Variants in TBC1D1 observed in about 807,000 individuals in gnomAD.
TBC1D1 encodes TBC1 (tre-2/USP6, BUB2, cdc16) domain family, member 1.
A neutral mutation model predicts 125.6 loss-of-function variants in TBC1D1; 89 were observed. The ratio of observed to expected loss-of-function variants is 0.71; its 90% CI spans 0.60 to 0.85. The LOEUF is 0.85. Among genes scored for constraint, TBC1D1 ranks in the 40% least tolerant of loss-of-function variants. The pLI, the probability that TBC1D1 is intolerant of heterozygous loss-of-function variation, is 0.00. For missense variants in TBC1D1, 1,377 were observed against 1,469.2 expected (o/e 0.94, Z 1.03); for synonymous variants, 565 against 564.1 (o/e 1.00, Z -0.02).
At chr4:37,931,662 G>A (rs571529692) in intron 2 of TBC1D1, among the ~76,000 whole-genome samples, 14 of 152,138 alleles carry the variant, frequency 9.2e-5, no homozygotes, top group Non-Finnish European at 1.6e-4. Flanking sequence ...ATTTTTAGTA[G>A]AGACGGGGTT....
chr4:37,995,581 G>A lies in TBC1D1; in HGVS notation c.418-18928G>A, dbSNP rs575897840. 37 of 447,522 alleles carry A rather than the reference G, an allele frequency of 8.3e-5. No homozygotes were observed. The East Asian group carries it at 2.0e-3, about 24-fold the overall frequency. The allele number at this position is 447,522 out of a possible 1,614,324, so 27.7% of individuals were successfully genotyped here. On this transcript the variant is annotated intron_variant, in intron 2 of 19. Coordinates refer to ENST00000261439, the MANE Select transcript of TBC1D1 (RefSeq NM_015173.4). This position sits in a 1 kb window ranked among gnomAD's most constrained non-coding sequence, Gnocchi z 4.3. ...GATATGATAAAGCTCAGCACAGAAG[G>A]CCTTCAGGTCCAGTACCCTGGCCTT...
chr4:38,077,920 G>A (rs1755878817), intron 12 of TBC1D1, among the ~76,000 whole-genome samples: 1 of 152,152 alleles, frequency 6.6e-6, no homozygotes, highest in African/African-American at 2.4e-5. Context: ...TTCCTGCGAT[G>A]GGGTAGGTCA....
chr4:38,037,275 T>C (rs79228835), intron 8 of TBC1D1, among the ~76,000 whole-genome samples: 2,553 of 151,890 alleles, frequency 0.017, 32 homozygotes, highest in Non-Finnish European at 0.027. Context: ...ATGTGTTTAA[T>C]GTTTTTTTTT....
At chr4:38,106,626 G>A (rs138497412) in intron 15 of TBC1D1, among the ~76,000 whole-genome samples, 84 of 152,270 alleles carry the variant, frequency 5.5e-4, no homozygotes, top group African/African-American at 2.0e-3. Flanking sequence ...TCCAAGGCTG[G>A]GAGGAGGAAC....
intron 2 of TBC1D1, among the ~76,000 whole-genome samples, chr4:37,917,732 G>A (rs1042202264): frequency 4.6e-5 from 7 of 152,108 alleles, no homozygotes; most frequent in African/African-American, 1.4e-4. Context: ...AAAATCTTCC[G>A]AATGACAGAA....
chr4:37,910,508 T>G (rs1328977760), intron 2 of TBC1D1, among the ~76,000 whole-genome samples: 1 of 152,212 alleles, frequency 6.6e-6, no homozygotes, highest in Non-Finnish European at 1.5e-5. Context: ...TTAATTTTAC[T>G]TATTTCATTT....
chr4:38,051,775 C>T, intron 11 of TBC1D1, 124 bp from the exon 12 acceptor site: 2 of 909,446 alleles, frequency 2.2e-6, no homozygotes, highest in Admixed American at 2.8e-5. Flanking sequence ...AAGTCCTCCA[C>T]TCTGATAGTG....
intron 2 of TBC1D1, among the ~76,000 whole-genome samples, chr4:38,005,027 G>A (rs1306365383): frequency 1.3e-5 from 2 of 152,042 alleles, no homozygotes; most frequent in African/African-American, 4.8e-5. Context: ...AGAGCAAAGT[G>A]TTCTTCTCCT....
chr4:38,104,234 A>G (rs1400238210), intron 15 of TBC1D1, among the ~76,000 whole-genome samples: 1 of 151,350 alleles, frequency 6.6e-6, no homozygotes, highest in African/African-American at 2.4e-5. Flanking sequence ...ACCATCTTAT[A>G]GAAGGGCCTT....
At chr4:37,948,837 A>T (rs1016991261) in intron 2 of TBC1D1, among the ~76,000 whole-genome samples, 1 of 152,110 alleles carries the variant, frequency 6.6e-6, no homozygotes, top group Non-Finnish European at 1.5e-5. Flanking sequence ...AGACTTGCAT[A>T]TTCTGAACAT....
At chr4:38,057,163 G>A (rs1488316512) in intron 12 of TBC1D1, among the ~76,000 whole-genome samples, 2 of 152,110 alleles carry the variant, frequency 1.3e-5, no homozygotes, top group Non-Finnish European at 2.9e-5. Context: ...GTCAGCGCTA[G>A]GCAGAGATCA....
chr4:38,008,095 C>T (rs2152418002), intron 2 of TBC1D1, among the ~76,000 whole-genome samples: 1 of 152,336 alleles, frequency 6.6e-6, no homozygotes, highest in African/African-American at 2.4e-5. Flanking sequence ...AGAATCAGTG[C>T]TTTCAGTGAA....
intron 1 of TBC1D1, among the ~76,000 whole-genome samples, chr4:37,892,112 T>G (rs1444318129): frequency 1.3e-5 from 2 of 152,200 alleles, no homozygotes; most frequent in Admixed American, 1.3e-4. Flanking sequence ...ATGTTTTCCC[T>G]TCATAGATTT....
At chr4:37,893,553 T>C (rs1243078386) in intron 1 of TBC1D1, among the ~76,000 whole-genome samples, 1 of 151,860 alleles carries the variant, frequency 6.6e-6, no homozygotes, top group African/African-American at 2.4e-5. Context: ...GCATGGTGGC[T>C]CATGCCTGTA....
At chr4:38,041,081 A>G (rs984940549) in intron 8 of TBC1D1, among the ~76,000 whole-genome samples, 3 of 152,246 alleles carry the variant, frequency 2.0e-5, no homozygotes, top group African/African-American at 7.2e-5. Context: ...AGAGAGTCCA[A>G]TTATGGATAA....
At chr4:38,103,303 G>T (rs967905081) in intron 15 of TBC1D1, 146 bp downstream of exon 17, 2 of 790,186 alleles carry the variant, frequency 2.5e-6, no homozygotes, top group Non-Finnish European at 3.9e-6. Flanking sequence ...AAAAGCCCTA[G>T]GGTAATCACA....
At chr4:37,917,239 C>T (rs922432102) in intron 2 of TBC1D1, among the ~76,000 whole-genome samples, 2 of 151,116 alleles carry the variant, frequency 1.3e-5, no homozygotes, top group African/African-American at 4.9e-5. Context: ...TTTGGGAGGC[C>T]GAGGCAGGTG....
intron 2 of TBC1D1, among the ~76,000 whole-genome samples, chr4:38,003,081 A>G (rs1359028646): frequency 6.6e-6 from 1 of 152,160 alleles, no homozygotes; most frequent in East Asian, 1.9e-4. Flanking sequence ...CTTTGTTTCC[A>G]TCTTACAATA....
At chr4:38,010,341 C>T (rs1348674873) in intron 2 of TBC1D1, among the ~76,000 whole-genome samples, 3 of 152,166 alleles carry the variant, frequency 2.0e-5, no homozygotes, top group African/African-American at 7.2e-5. Context: ...CCCCCCAGGT[C>T]CCCATCTTCT....
Sources: allele counts gnomAD v4.1 joint callset (sites outside exome capture counted in the v4.1 genomes callset), GRCh38; gene constraint gnomAD v4.1.1; non-coding constraint Gnocchi (gnomAD v3.1); transcripts MANE v1.5; gene names NCBI Gene and HGNC (gene_info 2026-07-23, HGNC 2026-07-21).